USP7: variants seen among roughly 807,000 people sequenced by gnomAD.
USP7 encodes the protein ubiquitin C-terminal hydrolase 7.
USP7 carries 9 observed loss-of-function variants against 162.9 expected under a neutral mutation model. The ratio of observed to expected loss-of-function variants is 0.06; its 90% confidence interval spans 0.03 to 0.10. The LOEUF (loss-of-function observed/expected upper bound fraction) is 0.10. USP7 is among the 10% of genes least tolerant of loss of function. USP7 has a pLI of 1.00. For synonymous variants in USP7, 562 were observed against 475.9 expected (o/e 1.18, Z -2.35); for missense variants, 715 against 1,373.7 (o/e 0.52, Z 7.58).
At chr16:8,924,312 T>C (rs1175451134) in intron 2 of USP7, among the ~76,000 whole-genome samples, 1 of 152,268 alleles carries the variant, frequency 6.6e-6, no homozygotes, top group East Asian at 1.9e-4. Context: ...AATACTTTTA[T>C]AAAGCATCAT....
chr16:8,931,830 C>A (rs1236644785), intron 1 of USP7, among the ~76,000 whole-genome samples: 4 of 152,184 alleles, frequency 2.6e-5, no homozygotes, highest in African/African-American at 9.7e-5. Context: ...TTGTTTTTCC[C>A]CATATTAGAA....
chr16:8,903,169 A>G, intron 16 of USP7, 99 bp downstream of exon 16: 2 of 1,487,248 alleles, frequency 1.3e-6, no homozygotes, highest in Non-Finnish European at 1.8e-6. Flanking sequence ...GGCTGGACAC[A>G]GCACCTACCC....
chr16:8,949,859 T>C (rs912603814), intron 1 of USP7, among the ~76,000 whole-genome samples: 5 of 152,236 alleles, frequency 3.3e-5, no homozygotes, highest in Non-Finnish European at 7.3e-5. Flanking sequence ...GGGAAGCTCC[T>C]TCTAAGAAGT....
chr16:8,908,264 C>G (rs2061891356), intron 12 of USP7, 77 bp downstream of exon 12: 1 of 1,177,870 alleles, frequency 8.5e-7, no homozygotes, highest in Non-Finnish European at 1.3e-6. Flanking sequence ...AATATAAAGA[C>G]TGAGGAAAGC....
intron 10 of USP7, among the ~76,000 whole-genome samples, chr16:8,911,600 G>A (rs1051916889): frequency 2.9e-4 from 44 of 152,218 alleles, no homozygotes; most frequent in African/African-American, 9.9e-4. Flanking sequence ...GGACAAATGA[G>A]AGCCCCGTGA....
In USP7 at chr16:8,963,623, C is replaced by T. The variant is rs1188993210; in HGVS notation, c.-338G>A. On this transcript the variant is annotated 5_prime_UTR_variant, in exon 1 of 31. Transcript: ENST00000344836. Reference sequence around the variant, plus strand: ...CCCGCCGCCGGGGCCGGGGCCGGGGCTGCGGGGCCGCGGGCCGGCCGGGGG... The same window carrying T: ...CCCGCCGCCGGGGCCGGGGCCGGGGTTGCGGGGCCGCGGGCCGGCCGGGGG... 7.1e-6 allele frequency: 1 copy of T among 140,836 alleles called. No individual in the cohort carries two copies. Among genetic ancestry groups the T allele is most frequent in the Non-Finnish European group, 1.6e-5 (1 of 64,068 alleles). 8.7% of individuals were successfully genotyped at this position (140,836 alleles called of 1,614,324 possible).
rs1371536852 is a variant in USP7 at position 8,947,475 on chromosome 16, A to C, written c.79+15732T>G. ...GCAACTATCCCACATCAGCCTCCTG[A>C]TTAGCTGGACTACAGACATGCACCA... is the stretch of plus-strand genomic sequence containing the variant. On this transcript the variant is annotated intron_variant, in intron 1 of 30. Transcript: ENST00000344836. 6.6e-5 allele frequency among the ~76,000 whole-genome samples: 10 copies of C among 152,048 alleles called. No individual in the cohort carries two copies. The East Asian group carries it at 1.9e-3, about 29-fold the overall frequency.
At chr16:8,926,557 G>C (rs933103997) in intron 2 of USP7, among the ~76,000 whole-genome samples, 3 of 152,162 alleles carry the variant, frequency 2.0e-5, no homozygotes, top group African/African-American at 7.2e-5. Context: ...GATACGGCCA[G>C]CCAGATTGTC....
intron 1 of USP7, among the ~76,000 whole-genome samples, chr16:8,946,129 C>T (rs181095284): frequency 6.6e-6 from 1 of 152,210 alleles, no homozygotes; most frequent in East Asian, 1.9e-4. Context: ...CCACAAGACT[C>T]TCAACCTAAA....
chr16:8,917,297 T>C (rs1897424621), intron 6 of USP7, 141 bp from the exon 7 acceptor site: 2 of 997,362 alleles, frequency 2.0e-6, no homozygotes, highest in Middle Eastern at 3.4e-4. Flanking sequence ...CTTTTAACGA[T>C]CCCCAAATTG....
intron 22 of USP7, 153 bp from the exon 23 acceptor site, chr16:8,899,341 G>T: frequency 1.3e-6 from 1 of 788,592 alleles, no homozygotes; most frequent in Non-Finnish European, 2.0e-6. Context: ...ATTCCTTAAT[G>T]AATCACCATG....
At chr16:8,962,862 G>C (rs1257244866) in intron 1 of USP7, 2 of 155,928 alleles carry the variant, frequency 1.3e-5, no homozygotes, top group South Asian at 2.0e-4. Flanking sequence ...CCCCAGAACG[G>C]GGACGGTCCC....
At chr16:8,942,715 T>A (rs2141251163) in intron 1 of USP7, among the ~76,000 whole-genome samples, 1 of 152,120 alleles carries the variant, frequency 6.6e-6, no homozygotes. Context: ...ACTCAGCTAG[T>A]TTCTGTATTT....
chr16:8,921,595 C>T (rs1208823645), intron 3 of USP7, among the ~76,000 whole-genome samples: 1 of 152,152 alleles, frequency 6.6e-6, no homozygotes, highest in Non-Finnish European at 1.5e-5. Context: ...CTTCTACTGC[C>T]GATATAGGGG....
At chr16:8,945,371 A>G (rs1255772555) in intron 1 of USP7, among the ~76,000 whole-genome samples, 1 of 152,214 alleles carries the variant, frequency 6.6e-6, no homozygotes, top group East Asian at 1.9e-4. Flanking sequence ...GCAACACAGC[A>G]AGATGCTGTC....
chr16:8,898,483 C>G, intron 24 of USP7, 46 bp from the exon 25 acceptor site: 6 of 1,606,106 alleles, frequency 3.7e-6, no homozygotes, highest in Non-Finnish European at 5.1e-6. Flanking sequence ...CACCAAAACC[C>G]CGAGCCTTCT....
chr16:8,919,458 T>A (rs1360302807), intron 5 of USP7, among the ~76,000 whole-genome samples: 1 of 151,916 alleles, frequency 6.6e-6, no homozygotes, highest in South Asian at 2.1e-4. Flanking sequence ...ATGGTAGAGT[T>A]TGGTTACATA....
chr16:8,892,342 C>T lies in USP7; in HGVS notation c.*1656G>A, dbSNP rs1364837997. 2 of 152,378 alleles carry T rather than the reference C, an allele frequency of 1.3e-5. No individual in the cohort carries two copies. 9.4% of individuals were successfully genotyped at this position (152,378 alleles called of 1,614,324 possible). On this transcript the variant is annotated 3_prime_UTR_variant, in exon 31 of 31. Transcript: ENST00000344836. ...ATCACACGGGTCACAAGGCAGCTCTCAGAGCAGAAGGCACACACACTGCAG... is the reference window on the plus strand; with the variant it reads ...ATCACACGGGTCACAAGGCAGCTCTTAGAGCAGAAGGCACACACACTGCAG...
At chr16:8,895,250 C>A (rs1423698828) in intron 27 of USP7, 100 bp from the exon 28 acceptor site, 4 of 1,564,506 alleles carry the variant, frequency 2.6e-6, no homozygotes, top group Non-Finnish European at 3.5e-6. Flanking sequence ...GAGGGTAAAG[C>A]CTATTTTTGC....
Sources: gnomAD v4.1 joint callset for allele counts (sites outside exome capture counted in the v4.1 genomes callset) on GRCh38, gnomAD v4.1.1 for gene constraint, MANE v1.5 for transcripts, NCBI Gene and HGNC (gene_info 2026-07-23, HGNC 2026-07-21) for gene names.